The following PRKAR1B variants were observed in gnomAD, a reference collection of about 807,000 sequenced individuals.
The protein encoded by PRKAR1B is cAMP-dependent protein kinase type I-beta regulatory subunit.
PRKAR1B carries 22 observed loss-of-function variants against 46.5 expected under a neutral mutation model. The observed-to-expected ratio is 0.47, with a 90% CI of 0.34 to 0.68. The LOEUF (loss-of-function observed/expected upper bound fraction) is 0.68, where lower values mean the gene tolerates loss of function less well. Among genes scored for constraint, PRKAR1B ranks in the 30% least tolerant of loss-of-function variants. The pLI is 0.01. For missense variants in PRKAR1B, 445 were observed against 535.6 expected (o/e 0.83, Z 1.67); for synonymous variants, 259 against 217.7 (o/e 1.19, Z -1.67).
chr7:598,286 G>A (rs866900527), intron 6 of PRKAR1B, among the ~76,000 whole-genome samples: 901 of 47,378 alleles, frequency 0.019, 1 homozygote, highest in African/African-American at 0.079. Flanking sequence ...AAACACCATC[G>A]CCCTCCCTCC....
At chr7:727,313 C>A, upstream of PRKAR1B, 1 of 1,283,986 alleles carries the variant, frequency 7.8e-7, no homozygotes. Flanking sequence ...CAGGCCACGC[C>A]CGGTGAGCAC....
chr7:723,013 C>T (rs981121599), intron 1 of PRKAR1B, among the ~76,000 whole-genome samples: 1 of 152,182 alleles, frequency 6.6e-6, no homozygotes, highest in African/African-American at 2.4e-5. Context: ...TGCTCATTTC[C>T]CATGGGTGCT....
intron 6 of PRKAR1B, among the ~76,000 whole-genome samples, chr7:599,105 C>G (rs2128458441): frequency 6.6e-6 from 1 of 152,360 alleles, no homozygotes; most frequent in East Asian, 1.9e-4. Flanking sequence ...AGAGCTCCCT[C>G]CGCAGCCTCA....
intron 2 of PRKAR1B, among the ~76,000 whole-genome samples, chr7:690,170 C>A (rs752073676): frequency 6.4e-4 from 98 of 151,974 alleles, no homozygotes; most frequent in Middle Eastern, 6.8e-3. Flanking sequence ...GTGGTGTGCT[C>A]CTGTAATCCC....
chr7:717,287 C>T lies in PRKAR1B; in HGVS notation c.-22-5760G>A, dbSNP rs1001119046. Among the ~76,000 whole-genome samples, 11 of 146,236 alleles carry T rather than the reference C, an allele frequency of 7.5e-5. No individual in the cohort carries two copies. In the East Asian group the frequency reaches 8.3e-4, roughly 11 times the overall value. On this transcript the variant is annotated intron_variant, in intron 1 of 10. Coordinates refer to ENST00000537384, the MANE Select transcript of PRKAR1B (RefSeq NM_001164760.2). ...CTGGGCAACAGGAGTGAAACCCAGT[C>T]TCAAAAAAAGAAAGAAAGAAAGAGA...
intron 4 of PRKAR1B, among the ~76,000 whole-genome samples, chr7:628,189 T>G (rs1353320493): frequency 6.6e-6 from 1 of 152,240 alleles, no homozygotes; most frequent in Non-Finnish European, 1.5e-5. Flanking sequence ...GTTTTGCTAT[T>G]TGCTCAACCA....
At chr7:672,085 C>T (rs377556818) in intron 4 of PRKAR1B, among the ~76,000 whole-genome samples, 1 of 152,274 alleles carries the variant, frequency 6.6e-6, no homozygotes, top group Non-Finnish European at 1.5e-5. Context: ...TTCCCAGAAC[C>T]CTGCACGGAG....
At chr7:588,958 TGAG>T (rs1562542752) in intron 7 of PRKAR1B, among the ~76,000 whole-genome samples, 2 of 6,680 alleles carry the variant, frequency 3.0e-4, no homozygotes, top group Non-Finnish European at 3.1e-4. Context: ...GTGATGGTGG[TGAG>T]GATAGTGACA....
At chr7:562,050 G>C (rs1778838077) in intron 9 of PRKAR1B, 1 of 152,484 alleles carries the variant, frequency 6.6e-6, no homozygotes, top group Non-Finnish European at 1.5e-5. Flanking sequence ...GGGGTGACGA[G>C]ATGCCTGTGG....
chr7:659,570 C>T (rs1785393451), intron 4 of PRKAR1B, among the ~76,000 whole-genome samples: 1 of 152,154 alleles, frequency 6.6e-6, no homozygotes, highest in African/African-American at 2.4e-5. Context: ...AACAACAACA[C>T]TGGTGAGGCA....
chr7:723,159 A>G (rs999514594), intron 1 of PRKAR1B, among the ~76,000 whole-genome samples: 2 of 152,180 alleles, frequency 1.3e-5, no homozygotes, highest in African/African-American at 4.8e-5. Flanking sequence ...CTCCTCTGAC[A>G]CTACCTGTGC....
intron 9 of PRKAR1B, among the ~76,000 whole-genome samples, chr7:561,132 AAC>A (rs35193364): frequency 0.09 from 13,260 of 146,562 alleles, 890 homozygotes; most frequent in African/African-American, 0.19. Context: ...CAGGCACACA[AAC>A]ACACACACAC....
chr7:598,307 A>G lies in PRKAR1B; in HGVS notation c.550-2003T>C, dbSNP rs1377950261. On this transcript the variant is annotated intron_variant, in intron 6 of 10. Transcript: ENST00000537384. The stretch of plus-strand genomic sequence containing the variant: ...CATCGCCCTCCCTCCAGCACCCTCC[A>G]CACTAAACACCATCGCCCTCACTCC... Among the ~76,000 whole-genome samples, 486 of 110,364 alleles carry G rather than the reference A, an allele frequency of 4.4e-3. 2 individuals are homozygous for G. The highest frequency in any genetic ancestry group is 5.3e-3 in the East Asian group (18 of 3,368). 72.4% of individuals were successfully genotyped at this position (110,364 alleles called of 152,430 possible).
At chr7:677,697 G>C (rs1014527873) in intron 3 of PRKAR1B, among the ~76,000 whole-genome samples, 2 of 152,086 alleles carry the variant, frequency 1.3e-5, no homozygotes, top group Non-Finnish European at 2.9e-5. Flanking sequence ...AAAGTGCTGG[G>C]ATTACAGGTG....
chr7:682,767 G>C (rs1374398826), intron 2 of PRKAR1B, among the ~76,000 whole-genome samples: 7 of 152,020 alleles, frequency 4.6e-5, no homozygotes, highest in Admixed American at 3.9e-4. Context: ...ATTGTTTTAA[G>C]GAAAAGAGAT....
intron 7 of PRKAR1B, among the ~76,000 whole-genome samples, chr7:589,040 G>C (rs1168088647): frequency 6.6e-6 from 1 of 151,158 alleles, no homozygotes; most frequent in Non-Finnish European, 1.5e-5. Flanking sequence ...GCTGATGATG[G>C]TAGTGATGGT....
intron 2 of PRKAR1B, among the ~76,000 whole-genome samples, chr7:681,169 G>A (rs1175937294): frequency 1.3e-5 from 2 of 152,130 alleles, no homozygotes; most frequent in African/African-American, 2.4e-5. Flanking sequence ...AAGCGGCTCT[G>A]CTTCCCCCCT....
chr7:594,518 C>T (rs1250178510), intron 7 of PRKAR1B, among the ~76,000 whole-genome samples: 3 of 152,146 alleles, frequency 2.0e-5, no homozygotes, highest in African/African-American at 7.2e-5. Context: ...TAGGTAAGGA[C>T]AGAGTGGAGG....
intron 4 of PRKAR1B, among the ~76,000 whole-genome samples, chr7:647,824 A>C (rs1355248975): frequency 1.7e-4 from 26 of 151,138 alleles, no homozygotes; most frequent in Admixed American, 4.6e-4. Flanking sequence ...AAAAAAAAAA[A>C]AAAAAAACCT....
Sources: allele counts gnomAD v4.1 joint callset (sites outside exome capture counted in the v4.1 genomes callset), GRCh38; gene constraint gnomAD v4.1.1; transcripts MANE v1.5; gene names NCBI Gene and HGNC (gene_info 2026-07-23, HGNC 2026-07-21).